POU2F3: variants seen among roughly 807,000 people sequenced by gnomAD.
POU2F3 encodes the protein POU class 2 homeobox 3.
Under a neutral mutation model 59.2 loss-of-function variants are expected in POU2F3, and 23 were observed. That is an observed-to-expected ratio of 0.39 (90% confidence interval 0.28 to 0.55). The LOEUF (loss-of-function observed/expected upper bound fraction) is 0.55. Ranked by LOEUF, POU2F3 falls within the 20% of genes least tolerant of loss-of-function variation. POU2F3 has a pLI of 0.66. For missense variants in POU2F3, 473 were observed against 544.5 expected, an observed-to-expected ratio of 0.87 and a Z score of 1.31; for synonymous variants, 190 against 214.6, an observed-to-expected ratio of 0.89 and a Z score of 1.00.
intron 3 of POU2F3, among the ~76,000 whole-genome samples, chr11:120,289,016 TACTA>T (rs1345659980): frequency 3.9e-5 from 6 of 152,224 alleles, no homozygotes; most frequent in South Asian, 2.1e-4. Flanking sequence ...TTTGAATGCT[TACTA>T]ACTTTCATCT....
chr11:120,309,645 G>T, intron 10 of POU2F3, 59 bp downstream of exon 10: 1 of 1,565,404 alleles, frequency 6.4e-7, no homozygotes, highest in South Asian at 1.1e-5. Context: ...TGCTTGGAGG[G>T]GAAGGTGGTG....
intron 3 of POU2F3, among the ~76,000 whole-genome samples, chr11:120,283,046 G>A (rs931665477): frequency 1.3e-5 from 2 of 152,210 alleles, no homozygotes; most frequent in African/African-American, 4.8e-5. Flanking sequence ...TTGCAAGTGT[G>A]GCTGAGAAGA....
chr11:120,276,974 C>T (rs1245569627), intron 3 of POU2F3, among the ~76,000 whole-genome samples: 1 of 151,696 alleles, frequency 6.6e-6, no homozygotes, highest in African/African-American at 2.4e-5. Context: ...ATGGTGAAAC[C>T]CCACCTCTAT....
chr11:120,241,611 A>G (rs1233320857), intron 1 of POU2F3, among the ~76,000 whole-genome samples: 1 of 152,170 alleles, frequency 6.6e-6, no homozygotes, highest in Non-Finnish European at 1.5e-5. Context: ...TAGACTGGGC[A>G]TACCTGGGGC....
intron 10 of POU2F3, among the ~76,000 whole-genome samples, chr11:120,310,088 A>G (rs1343249379): frequency 6.6e-6 from 1 of 152,162 alleles, no homozygotes; most frequent in Non-Finnish European, 1.5e-5. Context: ...TAGCCAGAGA[A>G]AGCTGAGCTG....
At chr11:120,315,676 T>C (rs1309292657) in intron 11 of POU2F3, among the ~76,000 whole-genome samples, 1 of 152,102 alleles carries the variant, frequency 6.6e-6, no homozygotes, top group African/African-American at 2.4e-5. Flanking sequence ...CTTAGGTGCA[T>C]AAAATTCCAA....
chr11:120,258,714 C>G (rs552123454), intron 2 of POU2F3, among the ~76,000 whole-genome samples: 2 of 152,168 alleles, frequency 1.3e-5, no homozygotes, highest in Non-Finnish European at 2.9e-5. Flanking sequence ...CTTTTGGCCC[C>G]GTTCCTTGCA....
At chr11:120,267,912 A>T (rs1939903152) in intron 2 of POU2F3, among the ~76,000 whole-genome samples, 2 of 152,114 alleles carry the variant, frequency 1.3e-5, no homozygotes, top group Admixed American at 1.3e-4. Flanking sequence ...AACCAATAAT[A>T]CAGGAGACCC....
At chr11:120,291,085 A>G (rs185032829) in intron 3 of POU2F3, among the ~76,000 whole-genome samples, 8 of 152,362 alleles carry the variant, frequency 5.3e-5, no homozygotes, top group Non-Finnish European at 5.9e-5. Context: ...ATGTTTCCAT[A>G]TCAAACAGAT....
chr11:120,236,791 T>G (rs1162336855), upstream of POU2F3: 2 of 1,312,328 alleles, frequency 1.5e-6, no homozygotes, highest in Non-Finnish European at 2.1e-6. Flanking sequence ...GAATAAAGAT[T>G]GCTCACCATT....
chr11:120,318,421 G>A lies in POU2F3; in HGVS notation c.*29G>A, dbSNP rs562183823. On this transcript the variant is annotated 3_prime_UTR_variant, in exon 13 of 13. Coordinates refer to ENST00000543440, the MANE Select transcript of POU2F3 (RefSeq NM_014352.4). ...CAAAAAGTTTCTCCTACTCCAGCTG[G>A]CCCTGTATTCCCCCTGGAAGGAAGG... 7.7e-6 allele frequency: 12 copies of A among 1,556,172 alleles called. No homozygotes were observed. The East Asian group carries it at 2.7e-4, about 35-fold the overall frequency.
At chr11:120,236,701 G>GAAA, upstream of POU2F3, 3 of 1,502,158 alleles carry the variant, frequency 2.0e-6, no homozygotes, top group Non-Finnish European at 1.8e-6. Flanking sequence ...TGCTAAAGGA[G>GAAA]GAAGGGGTAA....
chr11:120,305,459 G>T, intron 7 of POU2F3, 185 bp from the exon 8 acceptor site: 1 of 1,047,568 alleles, frequency 9.5e-7, no homozygotes, highest in Non-Finnish European at 1.4e-6. Context: ...TCCACTGAGA[G>T]TCTAAGGAGA....
At chr11:120,296,855 A>G (rs1941205285) in intron 3 of POU2F3, among the ~76,000 whole-genome samples, 1 of 152,222 alleles carries the variant, frequency 6.6e-6, no homozygotes, top group Non-Finnish European at 1.5e-5. Flanking sequence ...CGATGAACAT[A>G]ACCCGTGCAT....
At chr11:120,257,890 GC>G (rs1939413947) in intron 2 of POU2F3, among the ~76,000 whole-genome samples, 1 of 152,192 alleles carries the variant, frequency 6.6e-6, no homozygotes. Flanking sequence ...GGACCTTGGA[GC>G]CAGAACTTGG....
At chr11:120,307,425 A>C (rs1591440512) in intron 8 of POU2F3, 54 bp from the exon 9 acceptor site, 4 of 1,596,314 alleles carry the variant, frequency 2.5e-6, no homozygotes, top group Non-Finnish European at 2.6e-6. Flanking sequence ...CCATGAAGGC[A>C]CCGGCCACTC....
At chr11:120,280,866 G>C (rs2135232222) in intron 3 of POU2F3, among the ~76,000 whole-genome samples, 1 of 152,248 alleles carries the variant, frequency 6.6e-6, no homozygotes. Context: ...GGGTGGAGAA[G>C]TGTTCCCACC....
Position 120,240,253 on chromosome 11 carries a change from G to A in POU2F3, c.-91G>A. 7.9e-7 allele frequency: 1 copy of A among 1,261,798 alleles called. No individual in the cohort carries two copies. The highest frequency in any genetic ancestry group is 1.0e-6 in the Non-Finnish European group (1 of 996,512). 78.2% of individuals were successfully genotyped at this position (1,261,798 alleles called of 1,614,324 possible). Reference sequence around the variant, plus strand: ...CCGCGGCGGCGGCGGCCGGGAACTGGAGGAAGGAGACCCTGGCTTCGCAGG... The same window carrying A: ...CCGCGGCGGCGGCGGCCGGGAACTGAAGGAAGGAGACCCTGGCTTCGCAGG... On this transcript the variant is annotated 5_prime_UTR_variant, in exon 1 of 13. Transcript: ENST00000543440.
chr11:120,260,603 T>C (rs981844314), intron 2 of POU2F3, among the ~76,000 whole-genome samples: 18 of 152,238 alleles, frequency 1.2e-4, no homozygotes, highest in African/African-American at 3.9e-4. Context: ...TCAAATTCTG[T>C]GGACCTAGAT....
Sources: gnomAD v4.1 joint callset for allele counts (sites outside exome capture counted in the v4.1 genomes callset) on GRCh38, gnomAD v4.1.1 for gene constraint, MANE v1.5 for transcripts, NCBI Gene and HGNC (gene_info 2026-07-23, HGNC 2026-07-21) for gene names.